IL31RA: variants seen among roughly 807,000 people sequenced by gnomAD.
IL31RA encodes interleukin 31 receptor A.
IL31RA carries 66 observed loss-of-function variants against 83.7 expected under a neutral mutation model. The ratio of observed to expected loss-of-function variants is 0.79; its 90% CI spans 0.65 to 0.97. The LOEUF (loss-of-function observed/expected upper bound fraction) is 0.97, where lower values mean the gene tolerates loss of function less well. IL31RA is among the 50% of genes least tolerant of loss of function. The pLI is 0.00. For synonymous variants in IL31RA, 325 were observed against 329.0 expected (o/e 0.99, Z 0.13); for missense variants, 798 against 919.4 (o/e 0.87, Z 1.71).
intron 7 of IL31RA, among the ~76,000 whole-genome samples, chr5:55,898,636 AT>A (rs1483572540): frequency 4.5e-5 from 2 of 44,690 alleles, no homozygotes; most frequent in African/African-American, 1.8e-4. Flanking sequence ...TATTAATGTT[AT>A]TTTAAAAAGA....
At chr5:55,905,772 C>T (rs1366485751) in intron 8 of IL31RA, among the ~76,000 whole-genome samples, 2 of 152,330 alleles carry the variant, frequency 1.3e-5, no homozygotes, top group East Asian at 1.9e-4. Flanking sequence ...TTTGGAGATT[C>T]TCTGTTTCAG....
intron 6 of IL31RA, among the ~76,000 whole-genome samples, chr5:55,894,147 A>G (rs778173683): frequency 2.0e-5 from 3 of 151,662 alleles, no homozygotes; most frequent in African/African-American, 4.8e-5. Flanking sequence ...CTTACTCTCA[A>G]TATTACTGGC....
Position 55,917,341 on chromosome 5 carries a change from C to A in IL31RA, c.*221C>A. 7.0e-7 allele frequency: 1 copy of A among 1,421,358 alleles called. No homozygotes were observed. Among genetic ancestry groups the A allele is most frequent in the South Asian group, 1.5e-5 (1 of 67,994 alleles). 88.0% of individuals were successfully genotyped at this position (1,421,358 alleles called of 1,614,324 possible). A position where few individuals can be genotyped will look rare whatever the true frequency, so the allele number is the denominator to read the frequency against. On this transcript the variant is annotated 3_prime_UTR_variant, in exon 15 of 15. Coordinates refer to ENST00000652347, the MANE Select transcript of IL31RA (RefSeq NM_139017.7). ...AAGCCCGAGTTTTGTAAAGGAACAG[C>A]AGTCTCTTTTCGTTTGTTCAGATAC...
upstream of IL31RA, among the ~76,000 whole-genome samples, chr5:55,850,587 T>C (rs1459819871): frequency 1.3e-5 from 2 of 152,240 alleles, no homozygotes; most frequent in Non-Finnish European, 2.9e-5. Context: ...GCTTTCTGCA[T>C]TGCCTTTCTT....
intron 3 of IL31RA, 128 bp downstream of exon 3, chr5:55,869,036 G>C (rs530059425): frequency 1.3e-6 from 1 of 748,682 alleles, no homozygotes; most frequent in East Asian, 2.5e-5. Flanking sequence ...TGATTACTGT[G>C]TGCAGCCAGT....
At chr5:55,867,139 G>GTGTGTGCATGTGTGTGCA (rs371523663) in intron 2 of IL31RA, among the ~76,000 whole-genome samples, 7 of 51,382 alleles carry the variant, frequency 1.4e-4, no homozygotes, top group Non-Finnish European at 2.8e-4. Flanking sequence ...GTGTGTGCAT[G>GTGTGTGCATGTGTGTGCA]TGTGTGTGCA....
At chr5:55,887,212 A>G (rs1333804650) in intron 5 of IL31RA, among the ~76,000 whole-genome samples, 1 of 152,142 alleles carries the variant, frequency 6.6e-6, no homozygotes, top group African/African-American at 2.4e-5. Context: ...TGCTATCCCC[A>G]TTTTTGCAGA....
intron 2 of IL31RA, among the ~76,000 whole-genome samples, chr5:55,867,128 T>TGTGTGCATGTGTGTGCATGTGTGTGC (rs1746124948): frequency 1.0e-5 from 1 of 96,266 alleles, no homozygotes; most frequent in African/African-American, 3.1e-5. Flanking sequence ...TGTGTTTGTG[T>TGTGTGCATGTGTGTGCATGTGTGTGC]GTGTGTGCAT....
In IL31RA at chr5:55,906,236, C is replaced by T; in HGVS notation, c.1200C>T (p.Thr400=). Residue 400 remains threonine, a synonymous_variant, in exon 9 of 15, where the codon ACC becomes ACT. Coordinates refer to ENST00000652347, the MANE Select transcript of IL31RA (RefSeq NM_139017.7). ...EWFPDVDSEP[T]TLSWESVSQA... ...TTCCGGATGTGGACTCAGAGCCCAC[C>T]ACCCTTTCCTGGGAATCTGTGTCTC... The T allele has an allele frequency of 6.2e-7, 1 of 1,614,124 alleles. No homozygotes were observed. The highest frequency in any genetic ancestry group is 8.5e-7 in the Non-Finnish European group (1 of 1,179,990).
At position 55,914,862 on chromosome 5, in the gene IL31RA, G is replaced by C; in HGVS notation, c.1752G>C (p.Leu584=). ...GLKKPNKLTH[L]CWPTVPNPAE... is the part of the protein sequence containing the mutation. The stretch of plus-strand genomic sequence containing the variant: ...CTCTCATTAGCAAATTGACTCATCT[G>C]TGTTGGCCCACCGTTCCCAACCCTG... The change falls in exon 14 of 15, where the codon CTG becomes CTC. Residue 584 remains leucine (L), a synonymous_variant. Coordinates refer to ENST00000652347, the MANE Select transcript of IL31RA (RefSeq NM_139017.7). 6.2e-7 allele frequency: 1 copy of C among 1,613,126 alleles called. No homozygotes were observed. Among genetic ancestry groups the C allele is most frequent in the Non-Finnish European group, 8.5e-7 (1 of 1,179,044 alleles).
At chr5:55,883,309 G>A (rs559528570) in intron 5 of IL31RA, 114 bp downstream of exon 5, 3 of 982,962 alleles carry the variant, frequency 3.1e-6, no homozygotes, top group Non-Finnish European at 4.7e-6. Flanking sequence ...AAATAGAAGA[G>A]AGACATTGCT....
intron 5 of IL31RA, among the ~76,000 whole-genome samples, chr5:55,886,216 G>T (rs1282036779): frequency 1.3e-5 from 2 of 148,850 alleles, no homozygotes; most frequent in Non-Finnish European, 3.0e-5. Flanking sequence ...GAAGGTGGAA[G>T]TCTGTACTAC....
rs951671326 is a variant in IL31RA at position 55,920,911 on chromosome 5, G to A, written c.*3791G>A. Among the ~76,000 whole-genome samples, 1 of 152,086 alleles carries A rather than the reference G, an allele frequency of 6.6e-6. No homozygotes were observed. Among genetic ancestry groups the A allele is most frequent in the African/African-American group, 2.4e-5 (1 of 41,402 alleles). On this transcript the variant is annotated 3_prime_UTR_variant, in exon 15 of 15. Coordinates refer to ENST00000652347, the MANE Select transcript of IL31RA (RefSeq NM_139017.7). Reference sequence around the variant, plus strand: ...CCAGCCTCCAAACCTCAGACATTTGGTGATGCCTGGAGATATTTTTGATTG... The same window carrying A: ...CCAGCCTCCAAACCTCAGACATTTGATGATGCCTGGAGATATTTTTGATTG...
chr5:55,841,059 A>G, the IL31RA span, among the ~76,000 whole-genome samples: 1 of 152,162 alleles, frequency 6.6e-6, no homozygotes, highest in Non-Finnish European at 1.5e-5. Flanking sequence ...GGACCACAAG[A>G]CCTACTCCAT....
At chr5:55,890,484 C>A (rs1274589520) in intron 6 of IL31RA, among the ~76,000 whole-genome samples, 1 of 152,152 alleles carries the variant, frequency 6.6e-6, no homozygotes, top group Non-Finnish European at 1.5e-5. Flanking sequence ...ATTCTTGTGC[C>A]TCAGCCTCCC....
upstream of IL31RA, among the ~76,000 whole-genome samples, chr5:55,850,817 G>A (rs1022112403): frequency 3.5e-4 from 54 of 152,324 alleles, no homozygotes; most frequent in African/African-American, 1.2e-3. Flanking sequence ...ACTGCTGAGC[G>A]TGGTGGCTCA....
chr5:55,904,991 G>C (rs138837347), intron 8 of IL31RA, among the ~76,000 whole-genome samples: 3,214 of 151,896 alleles, frequency 0.021, 131 homozygotes, highest in African/African-American at 0.074. Flanking sequence ...CTTGAGGTCA[G>C]AAGTTTGAGA....
chr5:55,914,717 G>C (rs1749686803), intron 13 of IL31RA, 130 bp from the exon 14 acceptor site: 3 of 754,936 alleles, frequency 4.0e-6, no homozygotes, highest in Non-Finnish European at 7.1e-6. Flanking sequence ...GGTTCTATTA[G>C]GCAGACATGC....
chr5:55,908,691 C>T (rs764033632), intron 11 of IL31RA: 135 of 1,477,170 alleles, frequency 9.1e-5, no homozygotes, highest in Non-Finnish European at 1.2e-4. Context: ...ATTGACCTCC[C>T]GGGAGCTCCC....
Sources: gnomAD v4.1 joint callset for allele counts (sites outside exome capture counted in the v4.1 genomes callset) on GRCh38, gnomAD v4.1.1 for gene constraint, MANE v1.5 for transcripts, NCBI Gene and HGNC (gene_info 2026-07-23, HGNC 2026-07-21) for gene names.